Variants in ZNF521 observed in about 807,000 individuals in gnomAD.
The protein encoded by ZNF521 is LYST-interacting protein 3.
Under a neutral mutation model 105.5 loss-of-function variants are expected in ZNF521, and 14 were observed. That is an observed-to-expected ratio of 0.13 (90% CI 0.09 to 0.21). The LOEUF (loss-of-function observed/expected upper bound fraction) is 0.21. Ranked by LOEUF, ZNF521 falls within the 10% of genes least tolerant of loss-of-function variation. The probability of loss-of-function intolerance (pLI) is 1.00; values close to 1 mark genes in which losing one functional copy is unlikely to be tolerated. For missense variants in ZNF521, 1,233 were observed against 1,629.7 expected, an observed-to-expected ratio of 0.76 and a Z score of 4.19; for synonymous variants, 635 against 606.0, an observed-to-expected ratio of 1.05 and a Z score of -0.70.
chr18:25,065,440 A>G (rs1000856661), intron 7 of ZNF521, among the ~76,000 whole-genome samples: 3 of 152,170 alleles, frequency 2.0e-5, no homozygotes, highest in African/African-American at 7.2e-5. Context: ...AAGGTATATA[A>G]GAAATATAAA....
intron 2 of ZNF521, among the ~76,000 whole-genome samples, chr18:25,348,011 T>C (rs1409514351): frequency 6.6e-6 from 1 of 152,238 alleles, no homozygotes; most frequent in African/African-American, 2.4e-5. Flanking sequence ...AAGTTGGCTA[T>C]AATCTACATG....
intron 3 of ZNF521, among the ~76,000 whole-genome samples, chr18:25,235,538 T>C (rs1906830386): frequency 6.6e-6 from 1 of 152,230 alleles, no homozygotes; most frequent in African/African-American, 2.4e-5. Context: ...TCAAATTCTA[T>C]TTCAAAGCAG....
At chr18:25,283,929 C>CT (rs1039729733) in intron 3 of ZNF521, among the ~76,000 whole-genome samples, 2 of 142,302 alleles carry the variant, frequency 1.4e-5, no homozygotes, top group Non-Finnish European at 3.1e-5. Flanking sequence ...CTTTCCCCCC[C>CT]CCCCAAAAAA....
chr18:25,126,608 G>C (rs1259227509), intron 5 of ZNF521, among the ~76,000 whole-genome samples: 1 of 151,990 alleles, frequency 6.6e-6, no homozygotes, highest in Admixed American at 6.6e-5. Context: ...ACTATTAAAG[G>C]ACTGAATAGG....
rs1044398365 is a variant in ZNF521, at chr18:25,346,315, G to A, written c.40+4592C>T. On this transcript the variant is annotated intron_variant, in intron 2 of 7. Coordinates refer to ENST00000361524, the MANE Select transcript of ZNF521 (RefSeq NM_015461.3). The stretch of plus-strand genomic sequence containing the variant: ...TTGGTTATACTTCACCTGTCTACCC[G>A]TAAGTATATATATTTTGACTTTGAA... 5.5e-4 allele frequency among the ~76,000 whole-genome samples: 84 copies of A among 151,488 alleles called. 1 individual carries two copies. Among genetic ancestry groups the A allele is most frequent in the Admixed American group, 5.3e-4 (8 of 15,234 alleles).
At chr18:25,239,719 C>G (rs1907175792) in intron 3 of ZNF521, among the ~76,000 whole-genome samples, 1 of 152,104 alleles carries the variant, frequency 6.6e-6, no homozygotes, top group South Asian at 2.1e-4. Flanking sequence ...TTCCGGGGTT[C>G]AGAATGTAAG....
At chr18:25,189,462 C>T (rs971966930) in intron 5 of ZNF521, among the ~76,000 whole-genome samples, 6 of 152,162 alleles carry the variant, frequency 3.9e-5, no homozygotes, top group Non-Finnish European at 5.9e-5. Flanking sequence ...CTTCATTTTA[C>T]GTAAGTTTTA....
chr18:25,172,229 C>T (rs765336894), intron 5 of ZNF521, among the ~76,000 whole-genome samples: 27 of 152,126 alleles, frequency 1.8e-4, no homozygotes, highest in African/African-American at 1.7e-4. Flanking sequence ...ACATTTCTCA[C>T]GCCTCCTAGG....
At chr18:25,338,535 C>T (rs757997077) in intron 2 of ZNF521, among the ~76,000 whole-genome samples, 2 of 152,026 alleles carry the variant, frequency 1.3e-5, no homozygotes, top group Non-Finnish European at 2.9e-5. Flanking sequence ...ACGTCAGCCT[C>T]CCAAGTAGCT....
At chr18:25,143,762 T>G (rs1490647505) in intron 5 of ZNF521, among the ~76,000 whole-genome samples, 1 of 152,200 alleles carries the variant, frequency 6.6e-6, no homozygotes, top group Non-Finnish European at 1.5e-5. Context: ...CTATCCATAA[T>G]AAATTCAGCC....
chr18:25,065,646 A>C (rs1156793690), intron 7 of ZNF521, among the ~76,000 whole-genome samples: 3 of 152,174 alleles, frequency 2.0e-5, no homozygotes, highest in African/African-American at 7.2e-5. Flanking sequence ...TAAAAAAAAA[A>C]AACAGTTTAA....
chr18:25,090,506 A>G (rs1275692971), intron 6 of ZNF521, among the ~76,000 whole-genome samples: 1 of 152,220 alleles, frequency 6.6e-6, no homozygotes, highest in Non-Finnish European at 1.5e-5. Flanking sequence ...CCCACCTAAC[A>G]CACTTTATAT....
At chr18:25,348,877 T>A (rs905488127) in intron 2 of ZNF521, among the ~76,000 whole-genome samples, 1 of 152,152 alleles carries the variant, frequency 6.6e-6, no homozygotes, top group Non-Finnish European at 1.5e-5. Context: ...ACTGACGGAT[T>A]CCCTTTACTG....
chr18:25,131,515 C>T (rs967723879), intron 5 of ZNF521, among the ~76,000 whole-genome samples: 1 of 152,104 alleles, frequency 6.6e-6, no homozygotes, highest in East Asian at 1.9e-4. Context: ...TCCTGTGCTC[C>T]AGTTGATCAT....
At chr18:25,098,318 A>G (rs2033894895) in intron 5 of ZNF521, among the ~76,000 whole-genome samples, 1 of 152,158 alleles carries the variant, frequency 6.6e-6, no homozygotes, top group African/African-American at 2.4e-5. Flanking sequence ...TGGCCAGTAC[A>G]TTAGCTCCTC....
chr18:25,184,939 C>T (rs1412598751), intron 5 of ZNF521, among the ~76,000 whole-genome samples: 1 of 152,176 alleles, frequency 6.6e-6, no homozygotes, highest in Non-Finnish European at 1.5e-5. Context: ...CTTCAATCCA[C>T]ATTATTTTGC....
rs779428352 is a variant in ZNF521 at position 25,225,332 on chromosome 18, C to T, written c.2586G>A (p.Leu862=). 5.0e-6 allele frequency: 8 copies of T among 1,614,056 alleles called. No homozygotes were observed. Among genetic ancestry groups the T allele is most frequent in the East Asian group, 4.5e-5 (2 of 44,894 alleles). Residue 862 remains leucine, a synonymous_variant, in exon 4 of 8, where the codon CTG becomes CTA. Transcript: ENST00000361524. This position sits in a 1 kb window ranked among gnomAD's most constrained non-coding sequence, Gnocchi z 5.6. ...QKEEVELQTL[L]TNSQESHNSH... is the part of the protein sequence containing the mutation. ...TGTTGTGGGACTCCTGGCTGTTGGT[C>T]AGCAAAGTCTGCAGCTCCACTTCCT...
At chr18:25,203,475 G>A (rs1194059377) in intron 4 of ZNF521, among the ~76,000 whole-genome samples, 1 of 152,114 alleles carries the variant, frequency 6.6e-6, no homozygotes, top group Admixed American at 6.5e-5. Context: ...AAATTAGTCA[G>A]GTGTGGTGGT....
chr18:25,130,416 T>C (rs544756939), intron 5 of ZNF521, among the ~76,000 whole-genome samples: 2 of 152,136 alleles, frequency 1.3e-5, no homozygotes, highest in Non-Finnish European at 2.9e-5. Context: ...ACTATAATTG[T>C]GGACACATGA....
Sources: gnomAD v4.1 joint callset for allele counts (sites outside exome capture counted in the v4.1 genomes callset) on GRCh38, gnomAD v4.1.1 for gene constraint, Gnocchi (gnomAD v3.1) non-coding constraint, MANE v1.5 for transcripts, NCBI Gene and HGNC (gene_info 2026-07-23, HGNC 2026-07-21) for gene names.